LRIF1: variants seen among roughly 807,000 people sequenced by gnomAD.
LRIF1 encodes ligand dependent nuclear receptor interacting factor 1.
LRIF1 carries 32 observed loss-of-function variants against 52.7 expected under a neutral mutation model. The ratio of observed to expected loss-of-function variants is 0.61; its 90% confidence interval spans 0.46 to 0.82. The LOEUF is 0.82. Ranked by LOEUF, LRIF1 falls within the 40% of genes least tolerant of loss-of-function variation. LRIF1 has a pLI of 0.00. For missense variants in LRIF1, 887 were observed against 892.0 expected (o/e 0.99, Z 0.07); for synonymous variants, 323 against 317.4 (o/e 1.02, Z -0.19).
the LRIF1 span, among the ~76,000 whole-genome samples, chr1:110,903,456 G>A: frequency 9.9e-5 from 15 of 152,266 alleles, no homozygotes; most frequent in Admixed American, 4.6e-4. Context: ...ATAGGACACC[G>A]GTCAGAGTTG....
chr1:110,948,254 G>C lies in LRIF1; in HGVS notation c.2015C>G (p.Thr672Ser), dbSNP rs1557836696. 1.2e-6 allele frequency: 2 copies of C among 1,613,962 alleles called. No homozygotes were observed. The highest frequency in any genetic ancestry group is 1.7e-6 in the Non-Finnish European group (2 of 1,180,002). The change falls in exon 4 of 4, where the codon ACT (threonine) becomes AGT (serine). Residue 672 changes from threonine to serine, a missense_variant. Physicochemically the swap from Thr to Ser is moderately conservative, Grantham distance 58 (BLOSUM62 1). Transcript: ENST00000369763. ...GSQLLSSILPTSDVSQHNILT... is the reference protein window; with the variant it reads ...GSQLLSSILPSSDVSQHNILT... ...AATGTTATGTTGTGACACATCTGAAGTTGGTAAAATACTGCTTAGGAGTTG... is the reference window on the plus strand; with the variant it reads ...AATGTTATGTTGTGACACATCTGAACTTGGTAAAATACTGCTTAGGAGTTG...
At chr1:110,904,569 C>G in the LRIF1 span, among the ~76,000 whole-genome samples, 1 of 152,282 alleles carries the variant, frequency 6.6e-6, no homozygotes, top group Admixed American at 6.5e-5. Flanking sequence ...TCCATAAGAA[C>G]CACAGTATTA....
At chr1:110,887,725 A>T in the LRIF1 span, among the ~76,000 whole-genome samples, 1 of 152,062 alleles carries the variant, frequency 6.6e-6, no homozygotes, top group Non-Finnish European at 1.5e-5. Context: ...TTCCAGTCTG[A>T]CTGGTGGGAA....
the LRIF1 span, among the ~76,000 whole-genome samples, chr1:110,930,602 A>G: frequency 6.6e-6 from 1 of 152,116 alleles, no homozygotes; most frequent in Non-Finnish European, 1.5e-5. Flanking sequence ...TTATGATCTC[A>G]AGTAACTATA....
the LRIF1 span, among the ~76,000 whole-genome samples, chr1:110,900,852 C>T: frequency 6.6e-6 from 1 of 151,542 alleles, no homozygotes; most frequent in Non-Finnish European, 1.5e-5. Context: ...GCCAACCCCA[C>T]CATATTTGTT....
rs950590776 is a variant in LRIF1 at position 110,963,564 on chromosome 1, A to G, written c.68+57T>C. On this transcript the variant is annotated intron_variant, in intron 1 of 3. Transcript: ENST00000369763. ...GCGTCCGGAAACGACGGCCGACTCC[A>G]CATCCCTAAGACGGACAGAGGGGCA... 1.8e-5 allele frequency: 26 copies of G among 1,466,826 alleles called. No individual in the cohort carries two copies. The Admixed American group carries it at 4.6e-4, about 26-fold the overall frequency. The allele number at this position is 1,466,826 out of a possible 1,614,324, so 90.9% of individuals were successfully genotyped here.
chr1:110,903,933 C>T, the LRIF1 span, among the ~76,000 whole-genome samples: 10 of 152,202 alleles, frequency 6.6e-5, no homozygotes, highest in Non-Finnish European at 1.0e-4. Flanking sequence ...AGGCAGCATT[C>T]ACCACAAGCT....
At chr1:110,880,572 AT>A in the LRIF1 span, among the ~76,000 whole-genome samples, 2 of 152,140 alleles carry the variant, frequency 1.3e-5, no homozygotes, top group Non-Finnish European at 2.9e-5. Context: ...ATCTGGCTCA[AT>A]TCCTTTCTGT....
chr1:110,884,001 C>T, the LRIF1 span, among the ~76,000 whole-genome samples: 3 of 151,758 alleles, frequency 2.0e-5, no homozygotes, highest in African/African-American at 7.3e-5. Flanking sequence ...TAAAATTGTT[C>T]TTCTGTTTAA....
chr1:110,930,516 G>A, the LRIF1 span, among the ~76,000 whole-genome samples: 2 of 152,070 alleles, frequency 1.3e-5, no homozygotes, highest in Non-Finnish European at 2.9e-5. Flanking sequence ...GAGCGGTGGG[G>A]AATTAGAAAA....
chr1:110,895,688 T>G, the LRIF1 span, among the ~76,000 whole-genome samples: 1 of 152,208 alleles, frequency 6.6e-6, no homozygotes, highest in African/African-American at 2.4e-5. Context: ...TTAACTTATT[T>G]AGATCTCCAA....
At chr1:110,889,581 A>AATAT in the LRIF1 span, among the ~76,000 whole-genome samples, 3 of 151,832 alleles carry the variant, frequency 2.0e-5, no homozygotes, top group Admixed American at 2.0e-4. Context: ...TAAATAAATA[A>AATAT]ATAAATAAAG....
chr1:110,949,365 G>A (rs1480816051), intron 3 of LRIF1, among the ~76,000 whole-genome samples: 5 of 150,888 alleles, frequency 3.3e-5, no homozygotes, highest in African/African-American at 9.8e-5. Flanking sequence ...TGATCCGCCC[G>A]CCTCAGCCTC....
At chr1:110,929,165 T>C in the LRIF1 span, among the ~76,000 whole-genome samples, 1 of 152,336 alleles carries the variant, frequency 6.6e-6, no homozygotes, top group South Asian at 2.1e-4. Context: ...CAGTCTGTCA[T>C]TGATGGGCAT....
the LRIF1 span, among the ~76,000 whole-genome samples, chr1:110,917,051 A>G: frequency 6.6e-6 from 1 of 152,050 alleles, no homozygotes; most frequent in East Asian, 1.9e-4. Context: ...ATATTTGCTG[A>G]CTCACCTTGT....
chr1:110,891,649 A>G, the LRIF1 span, among the ~76,000 whole-genome samples: 433 of 152,232 alleles, frequency 2.8e-3, 2 homozygotes, highest in African/African-American at 0.01. Context: ...CACAGAATAA[A>G]CCTGCAAAAT....
At chr1:110,896,715 CT>C in the LRIF1 span, 1 of 1,613,100 alleles carries the variant, frequency 6.2e-7, no homozygotes, top group Non-Finnish European at 8.5e-7. Context: ...CATCTTGCCC[CT>C]CAGATCGAAA....
At chr1:110,945,183 C>A (rs1318132979), downstream of LRIF1, 1 of 151,988 alleles carries the variant, frequency 6.6e-6, no homozygotes, top group East Asian at 1.9e-4. Context: ...CAGGCCAATT[C>A]TTGACTTTAA....
At chr1:110,901,159 T>C in the LRIF1 span, among the ~76,000 whole-genome samples, 1 of 134,358 alleles carries the variant, frequency 7.4e-6, no homozygotes, top group Non-Finnish European at 1.7e-5. Flanking sequence ...TGTTTTTTTT[T>C]GTTTGTTTTT....
Sources: gnomAD v4.1 joint callset for allele counts (sites outside exome capture counted in the v4.1 genomes callset) on GRCh38, gnomAD v4.1.1 for gene constraint, MANE v1.5 for transcripts, NCBI Gene and HGNC (gene_info 2026-07-23, HGNC 2026-07-21) for gene names.